Variants in NLGN1 observed in about 807,000 individuals in gnomAD.
The protein encoded by NLGN1 is neuroligin 1.
A neutral mutation model predicts 65.5 loss-of-function variants in NLGN1; 12 were observed. The observed-to-expected ratio is 0.18, with a 90% CI of 0.12 to 0.30. NLGN1 has a LOEUF of 0.30. Among genes scored for constraint, NLGN1 ranks in the 10% least tolerant of loss-of-function variants. The pLI is 1.00. For missense variants in NLGN1, 750 were observed against 1,007.1 expected (o/e 0.74, Z 3.46); for synonymous variants, 350 against 359.5 (o/e 0.97, Z 0.30).
At chr3:173,457,855 C>G (rs1469046128) in intron 2 of NLGN1, among the ~76,000 whole-genome samples, 2 of 151,956 alleles carry the variant, frequency 1.3e-5, no homozygotes, top group African/African-American at 2.4e-5. Context: ...GGCATTTATG[C>G]AAGAGTGAAA....
chr3:173,898,532 A>T (rs1023831863), intron 4 of NLGN1, among the ~76,000 whole-genome samples: 1 of 152,248 alleles, frequency 6.6e-6, no homozygotes, highest in Admixed American at 6.5e-5. Flanking sequence ...GGTATTAAGC[A>T]TTAACCAGCA....
chr3:173,580,021 G>T (rs1746145649), intron 2 of NLGN1, among the ~76,000 whole-genome samples: 1 of 151,872 alleles, frequency 6.6e-6, no homozygotes, highest in South Asian at 2.1e-4. Context: ...TTCTTTTTCA[G>T]ACACTGAGCT....
chr3:173,983,006 A>C (rs529781240), intron 4 of NLGN1, among the ~76,000 whole-genome samples: 10 of 152,314 alleles, frequency 6.6e-5, no homozygotes, highest in African/African-American at 2.2e-4. Flanking sequence ...TTCTCATAAA[A>C]AACATTTTTA....
intron 2 of NLGN1, among the ~76,000 whole-genome samples, chr3:173,525,636 A>T (rs756450774): frequency 4.0e-5 from 6 of 151,776 alleles, no homozygotes; most frequent in Non-Finnish European, 5.9e-5. Flanking sequence ...TTCTTCTGCT[A>T]GCTTTGGGTT....
intron 4 of NLGN1, among the ~76,000 whole-genome samples, chr3:173,956,763 G>T (rs1337449672): frequency 6.6e-6 from 1 of 152,170 alleles, no homozygotes; most frequent in African/African-American, 2.4e-5. Context: ...TACTGGTCAT[G>T]ATTGAAACTT....
intron 3 of NLGN1, among the ~76,000 whole-genome samples, chr3:173,662,293 C>CTAAAA (rs1761039778): frequency 1.3e-5 from 2 of 152,068 alleles, no homozygotes; most frequent in South Asian, 4.1e-4. Flanking sequence ...TGAACTGAGA[C>CTAAAA]TAAAATAATT....
chr3:173,925,662 T>C (rs1742864420), intron 4 of NLGN1, among the ~76,000 whole-genome samples: 1 of 152,180 alleles, frequency 6.6e-6, no homozygotes, highest in Admixed American at 6.6e-5. Flanking sequence ...GGAGCCTGTC[T>C]GCAGAGTAGG....
At chr3:173,714,873 G>C (rs946855103) in intron 3 of NLGN1, among the ~76,000 whole-genome samples, 1 of 152,114 alleles carries the variant, frequency 6.6e-6, no homozygotes, top group African/African-American at 2.4e-5. Context: ...GTTTTGTCCT[G>C]AGTGTTAGGG....
At chr3:173,868,063 T>C (rs955685264) in intron 4 of NLGN1, among the ~76,000 whole-genome samples, 3 of 152,188 alleles carry the variant, frequency 2.0e-5, no homozygotes, top group African/African-American at 7.2e-5. Context: ...TTTTAAATAT[T>C]TCCCAGTTAC....
At chr3:173,885,177 A>G (rs1734104740) in intron 4 of NLGN1, among the ~76,000 whole-genome samples, 1 of 152,182 alleles carries the variant, frequency 6.6e-6, no homozygotes, top group South Asian at 2.1e-4. Flanking sequence ...TAATCTAGCA[A>G]ATATTGATAT....
chr3:173,548,314 C>T (rs994859434), intron 2 of NLGN1, among the ~76,000 whole-genome samples: 1 of 151,964 alleles, frequency 6.6e-6, no homozygotes, highest in Admixed American at 6.6e-5. Context: ...CCAAGGCAGA[C>T]GAAGATACAA....
chr3:173,533,596 C>T (rs942541346), intron 2 of NLGN1, among the ~76,000 whole-genome samples: 3 of 152,122 alleles, frequency 2.0e-5, no homozygotes, highest in Non-Finnish European at 4.4e-5. Context: ...GACCCACTCT[C>T]CATGAAAATG....
intron 2 of NLGN1, among the ~76,000 whole-genome samples, chr3:173,559,368 C>A (rs1742274099): frequency 6.6e-6 from 1 of 152,118 alleles, no homozygotes; most frequent in African/African-American, 2.4e-5. Flanking sequence ...GAAAAGTCTC[C>A]CTGTCTGTGG....
At chr3:174,155,222 A>G (rs890894635) in intron 4 of NLGN1, among the ~76,000 whole-genome samples, 5 of 151,030 alleles carry the variant, frequency 3.3e-5, no homozygotes, top group African/African-American at 1.2e-4. Context: ...GTCTTTTCTC[A>G]AAGACAAGAC....
chr3:173,625,097 C>T (rs750913430), intron 3 of NLGN1, among the ~76,000 whole-genome samples: 2 of 152,052 alleles, frequency 1.3e-5, no homozygotes, highest in Non-Finnish European at 2.9e-5. Context: ...TACTATAATA[C>T]ATTTAAACAG....
chr3:173,469,019 A>C (rs866099139), intron 2 of NLGN1, among the ~76,000 whole-genome samples: 13 of 152,194 alleles, frequency 8.5e-5, no homozygotes, highest in South Asian at 8.3e-4. Context: ...CAAGTTTTGT[A>C]ATATCTGTTC....
intron 2 of NLGN1, among the ~76,000 whole-genome samples, chr3:173,483,290 T>C (rs1727608418): frequency 6.6e-6 from 1 of 152,088 alleles, no homozygotes; most frequent in Non-Finnish European, 1.5e-5. Context: ...TAGTTACATT[T>C]TGTGACAGTC....
intron 3 of NLGN1, among the ~76,000 whole-genome samples, chr3:173,786,492 A>C (rs1231245756): frequency 6.6e-6 from 1 of 152,142 alleles, no homozygotes; most frequent in Non-Finnish European, 1.5e-5. Flanking sequence ...TTCTCAATGG[A>C]AAGTTATCTT....
chr3:173,975,244 G>C (rs1560758696), intron 4 of NLGN1, among the ~76,000 whole-genome samples: 1 of 151,870 alleles, frequency 6.6e-6, no homozygotes, highest in African/African-American at 2.4e-5. Flanking sequence ...GGGAAAATAG[G>C]GAGTGAGTTC....
Sources: allele counts gnomAD v4.1 joint callset (sites outside exome capture counted in the v4.1 genomes callset), GRCh38; gene constraint gnomAD v4.1.1; transcripts MANE v1.5; gene names NCBI Gene and HGNC (gene_info 2026-07-23, HGNC 2026-07-21).